The following GPR149 variants were observed in gnomAD, a reference collection of about 807,000 sequenced individuals.
GPR149 encodes probable G protein-coupled receptor 149.
In GPR149, 50 loss-of-function variants were observed where a neutral mutation model predicts 50.2. The ratio of observed to expected loss-of-function variants is 1.00; its 90% CI spans 0.79 to 1.26. GPR149 has a LOEUF of 1.26. GPR149 is among the 50% of genes most tolerant of loss of function. GPR149 has a pLI of 0.00. For missense variants in GPR149, 983 were observed against 895.4 expected, an observed-to-expected ratio of 1.10 and a Z score of -1.25; for synonymous variants, 405 against 358.2, an observed-to-expected ratio of 1.13 and a Z score of -1.48.
chr3:154,371,020 G>A (rs147864720), intron 3 of GPR149, among the ~76,000 whole-genome samples: 12 of 152,180 alleles, frequency 7.9e-5, no homozygotes, highest in East Asian at 3.9e-4. Flanking sequence ...GCCTTAAAAC[G>A]ACAATTTGGA....
chr3:154,362,458 G>T (rs1714434001), intron 3 of GPR149, among the ~76,000 whole-genome samples: 1 of 152,082 alleles, frequency 6.6e-6, no homozygotes, highest in Non-Finnish European at 1.5e-5. Context: ...AAGCCAATAA[G>T]CATTTTTGTT....
rs1713633341 is a variant in GPR149, at chr3:154,335,487, T to C, written c.*2212A>G. The C allele has an allele frequency of 6.6e-6, 1 of 152,168 alleles. No individual in the cohort carries two copies. The highest frequency in any genetic ancestry group is 1.5e-5 in the Non-Finnish European group (1 of 67,992). The allele number at this position is 152,168 out of a possible 1,614,324, so 9.4% of individuals were successfully genotyped here. On this transcript the variant is annotated 3_prime_UTR_variant, in exon 4 of 4. Transcript: ENST00000389740. ...GTGTTACAGGTTAGTAATATGGTGC[T>C]GATTAGCCTTTCAAACTAAGACTTT... is the stretch of plus-strand genomic sequence containing the variant.
intron 3 of GPR149, among the ~76,000 whole-genome samples, chr3:154,373,678 C>T (rs1210703098): frequency 6.6e-6 from 1 of 152,096 alleles, no homozygotes; most frequent in African/African-American, 2.4e-5. Context: ...TGTTTTCTAC[C>T]TTCTTGTACT....
intron 3 of GPR149, among the ~76,000 whole-genome samples, chr3:154,355,294 G>A (rs899419711): frequency 6.6e-6 from 1 of 152,140 alleles, no homozygotes; most frequent in African/African-American, 2.4e-5. Flanking sequence ...CCAAAGTGCT[G>A]GGATTATAGG....
chr3:154,383,047 A>G (rs1714967794), intron 3 of GPR149, among the ~76,000 whole-genome samples: 1 of 152,178 alleles, frequency 6.6e-6, no homozygotes, highest in Non-Finnish European at 1.5e-5. Flanking sequence ...CCTAGGACAT[A>G]GTGCCTGTGT....
intron 3 of GPR149, among the ~76,000 whole-genome samples, chr3:154,378,018 A>C (rs1714831790): frequency 6.6e-6 from 1 of 151,312 alleles, no homozygotes; most frequent in Non-Finnish European, 1.5e-5. Context: ...TTCATGTGGT[A>C]GGATGTATCA....
Position 154,427,617 on chromosome 3 carries a change from G to A in GPR149, c.1073C>T (p.Thr358Ile). The change falls in exon 2 of 4, where the codon ACC becomes ATC. Residue 358 changes from threonine to isoleucine, a missense_variant. Transcript: ENST00000389740. Reference sequence around the variant, plus strand: ...GCGTTTGGACAAGACAAACACTGGGGTTACAGTGGTGGCCAGCAGGGTAAG... The same window carrying A: ...GCGTTTGGACAAGACAAACACTGGGATTACAGTGGTGGCCAGCAGGGTAAG... ...FLLTLLATTV[T>I]PVFVLSKRWT... 1 of 1,614,212 alleles carries A rather than the reference G, an allele frequency of 6.2e-7. No individual in the cohort carries two copies. Among genetic ancestry groups the A allele is most frequent in the Non-Finnish European group, 8.5e-7 (1 of 1,180,020 alleles).
At position 154,421,585 on chromosome 3, in the gene GPR149, G is replaced by T. The variant is rs1712149290; in HGVS notation, c.1175-98C>A. ...TAAAAATAGAAAGCGCATTCAACTTGATTATTATACATTTTAAAACTATCT... is the reference window on the plus strand; with the variant it reads ...TAAAAATAGAAAGCGCATTCAACTTTATTATTATACATTTTAAAACTATCT... On this transcript the variant is annotated intron_variant, in intron 2 of 3. Coordinates refer to ENST00000389740, the MANE Select transcript of GPR149 (RefSeq NM_001038705.3). 22 of 589,048 alleles carry T rather than the reference G, an allele frequency of 3.7e-5. 1 individual carries two copies. In the South Asian group the frequency reaches 6.7e-4, roughly 18 times the overall value. The allele number at this position is 589,048 out of a possible 1,614,324, so 36.5% of individuals were successfully genotyped here. A position where few individuals can be genotyped will look rare whatever the true frequency, so the allele number is the denominator to read the frequency against.
chr3:154,429,430 C>G lies in GPR149; in HGVS notation c.186G>C (p.Gln62His). ...IYSLISLLKM[Q>H]NRTVVSMLVA... is the part of the protein sequence containing the mutation. ...CAAGCATGGACACAACAGTTCTGTT[C>G]TGCATTTTCAGCAGGGAAATTAGTG... Residue 62 changes from glutamine to histidine, a missense_variant, in exon 1 of 4, where the codon CAG becomes CAC. Physicochemically the swap from Gln to His is conservative, Grantham distance 24. Transcript: ENST00000389740. 6.2e-7 allele frequency: 1 copy of G among 1,614,156 alleles called. No individual in the cohort carries two copies. The highest frequency in any genetic ancestry group is 8.5e-7 in the Non-Finnish European group (1 of 1,180,020).
chr3:154,424,553 A>G (rs1263305864), intron 2 of GPR149, among the ~76,000 whole-genome samples: 1 of 151,950 alleles, frequency 6.6e-6, no homozygotes, highest in East Asian at 1.9e-4. Flanking sequence ...AGATTTTTTA[A>G]AAACTGTTTT....
intron 3 of GPR149, among the ~76,000 whole-genome samples, chr3:154,383,995 G>GT (rs1360797578): frequency 6.6e-6 from 1 of 152,052 alleles, no homozygotes; most frequent in Non-Finnish European, 1.5e-5. Flanking sequence ...TGAGAAATAA[G>GT]TTTTTGTTGT....
chr3:154,337,601 A>G lies in GPR149; in HGVS notation c.*98T>C. The G allele has an allele frequency of 2.0e-6, 2 of 995,960 alleles. No homozygotes were observed. Among genetic ancestry groups the G allele is most frequent in the East Asian group, 4.8e-5 (2 of 41,630 alleles). The allele number at this position is 995,960 out of a possible 1,614,324, so 61.7% of individuals were successfully genotyped here. The stretch of plus-strand genomic sequence containing the variant: ...ACTATTAAATCAGTAAAACTAATGT[A>G]AGCCAACAAATAAAAGGAAATCAGT... On this transcript the variant is annotated 3_prime_UTR_variant, in exon 4 of 4. Coordinates refer to ENST00000389740, the MANE Select transcript of GPR149 (RefSeq NM_001038705.3).
intron 3 of GPR149, among the ~76,000 whole-genome samples, chr3:154,385,705 T>TTTC (rs1491257450): frequency 0.012 from 55 of 4,548 alleles, no homozygotes; most frequent in Non-Finnish European, 0.018. Context: ...TCTTTCTTTC[T>TTTC]TTTTTTTTTT....
Position 154,338,892 on chromosome 3 carries a change from T to C in GPR149, c.1624-621A>G, listed in dbSNP as rs192112262. 4.4e-3 allele frequency among the ~76,000 whole-genome samples: 671 copies of C among 152,330 alleles called. 5 individuals carry two copies. Among genetic ancestry groups the C allele is most frequent in the Middle Eastern group, 0.024 (7 of 294 alleles). On this transcript the variant is annotated intron_variant, in intron 3 of 3. Transcript: ENST00000389740. ...GTAAACCCAATAATAAAGAATACTA[T>C]TCCACCTCTTTCAAAAACTTGCCTA...
chr3:154,341,338 TATAA>T (rs1256350385), intron 3 of GPR149, among the ~76,000 whole-genome samples: 19 of 122,004 alleles, frequency 1.6e-4, no homozygotes, highest in African/African-American at 5.4e-4. Flanking sequence ...TATATATATA[TATAA>T]AATGAGTAGG....
chr3:154,337,989 T>C lies in GPR149; in HGVS notation c.1906A>G (p.Ile636Val). 1.2e-6 allele frequency: 2 copies of C among 1,614,172 alleles called. No individual in the cohort carries two copies. The highest frequency in any genetic ancestry group is 1.7e-6 in the Non-Finnish European group (2 of 1,180,018). ...DNEEALDTVS[I>V]ISNISQSSTQ... Reference sequence around the variant, plus strand: ...GAGGACTGACTGATGTTACTAATGATTGACACAGTGTCCAAGGCCTCTTCA... The same window carrying C: ...GAGGACTGACTGATGTTACTAATGACTGACACAGTGTCCAAGGCCTCTTCA... The change falls in exon 4 of 4, where the codon ATC becomes GTC. Residue 636 changes from isoleucine (I) to valine (V), a missense_variant. Ile to Val is a conservative substitution (Grantham distance 29, BLOSUM62 3). Coordinates refer to ENST00000389740, the MANE Select transcript of GPR149 (RefSeq NM_001038705.3).
At chr3:154,362,938 A>T (rs577570159) in intron 3 of GPR149, among the ~76,000 whole-genome samples, 1 of 152,358 alleles carries the variant, frequency 6.6e-6, no homozygotes, top group South Asian at 2.1e-4. Flanking sequence ...TCCATTGGAA[A>T]ATGATTACAC....
At chr3:154,420,040 GTTTTA>G (rs1014367455) in intron 3 of GPR149, among the ~76,000 whole-genome samples, 9 of 151,990 alleles carry the variant, frequency 5.9e-5, no homozygotes, top group Middle Eastern at 3.4e-3. Flanking sequence ...GAGACTAGTA[GTTTTA>G]TTTAATCAAT....
rs1225801409 is a variant in GPR149 at position 154,335,416 on chromosome 3, G to T, written c.*2283C>A. 1 of 152,078 alleles carries T rather than the reference G, an allele frequency of 6.6e-6. No homozygotes were observed. The allele number at this position is 152,078 out of a possible 1,614,324, so 9.4% of individuals were successfully genotyped here. On this transcript the variant is annotated 3_prime_UTR_variant, in exon 4 of 4. Transcript: ENST00000389740. ...TCATTCATGCTTAGGCACAGCTCTAGTAGATTTTTCTTGTATATTCAGCTA... is the reference window on the plus strand; with the variant it reads ...TCATTCATGCTTAGGCACAGCTCTATTAGATTTTTCTTGTATATTCAGCTA...
Sources: gnomAD v4.1 joint callset for allele counts (sites outside exome capture counted in the v4.1 genomes callset) on GRCh38, gnomAD v4.1.1 for gene constraint, MANE v1.5 for transcripts, NCBI Gene and HGNC (gene_info 2026-07-23, HGNC 2026-07-21) for gene names.